The following STT3B variants were observed in gnomAD, a reference collection of about 807,000 sequenced individuals.
The protein encoded by STT3B is STT3 oligosaccharyltransferase complex catalytic subunit B.
STT3B carries 29 observed loss-of-function variants against 96.8 expected under a neutral mutation model. That is an observed-to-expected ratio of 0.30 (90% CI 0.22 to 0.41). The LOEUF (loss-of-function observed/expected upper bound fraction) is 0.41. Ranked by LOEUF, STT3B falls within the 10% of genes least tolerant of loss-of-function variation. STT3B has a pLI of 1.00. For synonymous variants in STT3B, 367 were observed against 360.0 expected (o/e 1.02, Z -0.22); for missense variants, 640 against 1,022.3 (o/e 0.63, Z 5.10).
Position 31,619,815 on chromosome 3 carries a change from G to A in STT3B, c.1312G>A (p.Asp438Asn), listed in dbSNP as rs572795748. Reference protein sequence around the residue: ...GLWFCIKNINDERVFVALYAI... With the variant: ...GLWFCIKNINNERVFVALYAI... ...TTGGTTCTGCATCAAAAATATCAAC[G>A]ATGAAAGAGTATTTGGTAAGAGAGG... Residue 438 changes from aspartate to asparagine, a missense_variant, in exon 9 of 16, where the codon GAT (aspartate) becomes AAT (asparagine). Around this residue, in one of 8 missense-constraint regions of STT3B, gnomAD observed 33 missense variants for 43.1 expected, o/e 0.77. Coordinates refer to ENST00000295770, the MANE Select transcript of STT3B (RefSeq NM_178862.3). 3.7e-6 allele frequency: 6 copies of A among 1,611,166 alleles called. No homozygotes were observed. The East Asian group carries it at 6.7e-5, about 18-fold the overall frequency.
intron 1 of STT3B, among the ~76,000 whole-genome samples, chr3:31,551,743 TAGAC>T (rs1275532327): frequency 2.0e-5 from 3 of 152,330 alleles, no homozygotes; most frequent in Admixed American, 6.5e-5. Flanking sequence ...AACAGAGTGA[TAGAC>T]AGAGTCTAGG....
chr3:31,582,365 G>A (rs1012144888), intron 3 of STT3B, among the ~76,000 whole-genome samples: 3 of 148,980 alleles, frequency 2.0e-5, no homozygotes, highest in South Asian at 2.1e-4. Context: ...TGGCGCAGTC[G>A]GCTCGCTGCA....
chr3:31,557,534 C>T (rs756255464), intron 1 of STT3B, among the ~76,000 whole-genome samples: 103 of 152,100 alleles, frequency 6.8e-4, no homozygotes, highest in Non-Finnish European at 1.3e-3. Flanking sequence ...TTGTTTGTGT[C>T]CCTTTAATTC....
intron 15 of STT3B, among the ~76,000 whole-genome samples, chr3:31,634,735 A>C (rs1427904297): frequency 2.6e-5 from 4 of 152,150 alleles, no homozygotes; most frequent in Admixed American, 2.6e-4. Context: ...CAGTAGGAGA[A>C]AAGCACCCTG....
In STT3B at chr3:31,600,405, C is replaced by T. The variant is rs1420289686; in HGVS notation, c.823C>T (p.Leu275=). The stretch of plus-strand genomic sequence containing the variant: ...TGTATTTATCATCAATCTTATTCCA[C>T]TGCATGTATTTGTGTTGTTACTGAT... ...GYVFIINLIP[L]HVFVLLLMQR... The change falls in exon 5 of 16, where the codon CTG becomes TTG. Residue 275 remains leucine (L), a synonymous_variant. Coordinates refer to ENST00000295770, the MANE Select transcript of STT3B (RefSeq NM_178862.3). 2 of 1,599,968 alleles carry T rather than the reference C, an allele frequency of 1.3e-6. No homozygotes were observed. The highest frequency in any genetic ancestry group is 1.7e-5 in the Admixed American group (1 of 59,568).
intron 1 of STT3B, among the ~76,000 whole-genome samples, chr3:31,553,750 G>A (rs562700549): frequency 1.2e-4 from 19 of 152,096 alleles, no homozygotes; most frequent in Admixed American, 2.0e-4. Flanking sequence ...AAAAATGAGC[G>A]AAGAAGGTAT....
intron 5 of STT3B, among the ~76,000 whole-genome samples, chr3:31,600,969 T>C (rs1698914305): frequency 6.6e-6 from 1 of 152,160 alleles, no homozygotes; most frequent in Non-Finnish European, 1.5e-5. Flanking sequence ...TTAGATCTCA[T>C]TTTCCATGAT....
intron 3 of STT3B, among the ~76,000 whole-genome samples, chr3:31,593,685 A>G (rs1339788429): frequency 6.6e-6 from 1 of 151,942 alleles, no homozygotes; most frequent in Non-Finnish European, 1.5e-5. Flanking sequence ...TATTCCATTT[A>G]TTATGCTTTT....
intron 3 of STT3B, among the ~76,000 whole-genome samples, chr3:31,593,589 T>C (rs1478400478): frequency 6.6e-6 from 1 of 152,146 alleles, no homozygotes; most frequent in Non-Finnish European, 1.5e-5. Context: ...GTTCTTTGGG[T>C]TGGATACTTC....
intron 12 of STT3B, 136 bp from the exon 13 acceptor site, chr3:31,625,818 A>G (rs1172954309): frequency 1.4e-6 from 1 of 720,262 alleles, no homozygotes; most frequent in Non-Finnish European, 2.2e-6. Flanking sequence ...TTGAATTCAT[A>G]GTAAATCATT....
chr3:31,543,615 A>ATG (rs1308828148), intron 1 of STT3B, among the ~76,000 whole-genome samples: 2 of 152,236 alleles, frequency 1.3e-5, no homozygotes, highest in Non-Finnish European at 2.9e-5. Context: ...GTAAGATCAC[A>ATG]TGTGCAGTGA....
intron 1 of STT3B, among the ~76,000 whole-genome samples, chr3:31,552,276 C>A (rs1697580405): frequency 6.6e-6 from 1 of 152,152 alleles, no homozygotes; most frequent in African/African-American, 2.4e-5. Flanking sequence ...CTCATGTAAT[C>A]AAAAAATATT....
At chr3:31,578,903 G>C (rs529274397) in intron 2 of STT3B, among the ~76,000 whole-genome samples, 4 of 152,102 alleles carry the variant, frequency 2.6e-5, no homozygotes, top group Non-Finnish European at 4.4e-5. Context: ...ACGGGAGTGT[G>C]GGGGAGAGAG....
chr3:31,619,545 T>G, intron 8 of STT3B, 131 bp from the exon 9 acceptor site: 1 of 719,716 alleles, frequency 1.4e-6, no homozygotes, highest in Admixed American at 3.0e-5. Context: ...CTGGTTACCT[T>G]GGAAGGTATA....
At chr3:31,620,797 A>G (rs898502091) in intron 9 of STT3B, among the ~76,000 whole-genome samples, 3 of 152,220 alleles carry the variant, frequency 2.0e-5, no homozygotes, top group African/African-American at 7.2e-5. Flanking sequence ...TTGTAGTGCT[A>G]GAAACTTGTA....
chr3:31,595,436 C>T (rs1698765440), intron 3 of STT3B, among the ~76,000 whole-genome samples: 1 of 152,022 alleles, frequency 6.6e-6, no homozygotes, highest in African/African-American at 2.4e-5. Flanking sequence ...CGTTATTGAT[C>T]CCTCTCTCCT....
intron 6 of STT3B, among the ~76,000 whole-genome samples, chr3:31,615,981 A>G (rs1699299013): frequency 6.6e-6 from 1 of 151,842 alleles, no homozygotes; most frequent in South Asian, 2.1e-4. Context: ...ACTCACCTTT[A>G]TATTTACTAA....
chr3:31,578,860 A>G (rs1413501959), intron 2 of STT3B, among the ~76,000 whole-genome samples: 1 of 152,146 alleles, frequency 6.6e-6, no homozygotes, highest in African/African-American at 2.4e-5. Context: ...AAATGATGAT[A>G]AGTATTATGG....
chr3:31,549,293 C>T (rs1697493214), intron 1 of STT3B, among the ~76,000 whole-genome samples: 1 of 150,560 alleles, frequency 6.6e-6, no homozygotes, highest in Non-Finnish European at 1.5e-5. Flanking sequence ...AGTATCTGCT[C>T]ATTGATAGCA....
Sources: allele counts gnomAD v4.1 joint callset (sites outside exome capture counted in the v4.1 genomes callset), GRCh38; gene constraint gnomAD v4.1.1; regional missense constraint gnomAD v4.1.1; transcripts MANE v1.5; gene names NCBI Gene and HGNC (gene_info 2026-07-23, HGNC 2026-07-21).